PIH1D2: variants seen among roughly 807,000 people sequenced by gnomAD.
PIH1D2 encodes PIH1 domain containing 2.
In PIH1D2, 25 loss-of-function variants were observed where a neutral mutation model predicts 31.2. The ratio of observed to expected loss-of-function variants is 0.80; its 90% CI spans 0.58 to 1.12. The LOEUF is 1.12. Ranked by LOEUF, PIH1D2 falls within the 50% of genes most tolerant of loss-of-function variation. The pLI, the probability that PIH1D2 is intolerant of heterozygous loss-of-function variation, is 0.00. For synonymous variants in PIH1D2, 116 were observed against 119.9 expected, an observed-to-expected ratio of 0.97 and a Z score of 0.21; for missense variants, 310 against 356.6, an observed-to-expected ratio of 0.87 and a Z score of 1.05.
chr11:112,069,529 C>T (rs1387926186), intron 5 of PIH1D2, among the ~76,000 whole-genome samples: 3 of 152,038 alleles, frequency 2.0e-5, no homozygotes, highest in Admixed American at 2.0e-4. Context: ...TGAGCAGGAA[C>T]CAGGCTGAAG....
downstream of PIH1D2, chr11:112,067,685 A>AAAATATAT: frequency 5.6e-4 from 10 of 17,800 alleles, no homozygotes; most frequent in Non-Finnish European, 7.8e-4. Flanking sequence ...AAAAAAAAAA[A>AAAATATAT]ATATATATAT....
the PIH1D2 span, among the ~76,000 whole-genome samples, chr11:112,053,398 C>A: frequency 6.6e-6 from 1 of 151,872 alleles, no homozygotes; most frequent in African/African-American, 2.4e-5. Flanking sequence ...TTGTTCTAAC[C>A]CTTAATCTGA....
At chr11:112,073,226 A>T in intron 1 of PIH1D2, 21 bp from the exon 2 acceptor site, 1 of 1,456,292 alleles carries the variant, frequency 6.9e-7, no homozygotes, top group Non-Finnish European at 9.4e-7. Context: ...ACACGACTTC[A>T]GGAAGAAAAC....
the PIH1D2 span, among the ~76,000 whole-genome samples, chr11:112,054,300 A>G: frequency 6.6e-6 from 1 of 152,234 alleles, no homozygotes; most frequent in African/African-American, 2.4e-5. Context: ...AGCCTGAGCA[A>G]CAGAGCAAGA....
At chr11:112,071,533 A>G (rs191247468) in intron 3 of PIH1D2, 102 bp downstream of exon 3, 90 of 1,405,136 alleles carry the variant, frequency 6.4e-5, no homozygotes, top group African/African-American at 4.1e-4. Flanking sequence ...TAATTATATT[A>G]TCAACAAATA....
rs199778230 is a variant in PIH1D2, at chr11:112,072,899, A to C, written c.177+99T>G. Reference sequence around the variant, plus strand: ...CAAAACAAAACAAAACAAAAAAAAAACAAAAAAAATTAGCAATACCTAAGT... The same window carrying C: ...CAAAACAAAACAAAACAAAAAAAAACCAAAAAAAATTAGCAATACCTAAGT... On this transcript the variant is annotated intron_variant, in intron 2 of 5. Coordinates refer to ENST00000280350, the MANE Select transcript of PIH1D2 (RefSeq NM_138789.4). 816 of 1,196,044 alleles carry C rather than the reference A, an allele frequency of 6.8e-4. 4 individuals are homozygous for C. Among genetic ancestry groups the C allele is most frequent in the East Asian group, 6.8e-3 (267 of 39,182 alleles). 74.1% of individuals were successfully genotyped at this position (1,196,044 alleles called of 1,614,324 possible).
At chr11:112,070,830 G>A in intron 4 of PIH1D2, 129 bp from the exon 5 acceptor site, 3 of 1,260,440 alleles carry the variant, frequency 2.4e-6, no homozygotes, top group South Asian at 3.3e-5. Context: ...TGGGAATCAA[G>A]CCAAAAGAAT....
downstream of PIH1D2, chr11:112,060,146 TTCTG>T: frequency 1.5e-6 from 2 of 1,310,538 alleles, no homozygotes; most frequent in South Asian, 2.6e-5. Flanking sequence ...CACCTTTTGA[TTCTG>T]TCACGTAATT....
downstream of PIH1D2, chr11:112,061,306 T>A (rs1864606494): frequency 1.1e-6 from 1 of 889,324 alleles, no homozygotes; most frequent in African/African-American, 1.7e-5. Flanking sequence ...AAGTCCCTGA[T>A]ATGATATGAT....
Position 112,071,900 on chromosome 11 carries a change from C to A in PIH1D2, c.178-142G>T, listed in dbSNP as rs1865129957. ...CTGAGGTCAGGAATTTGAGACCAGCCTGGCCAACATGGTGAAACTCCGTTT... is the reference window on the plus strand; with the variant it reads ...CTGAGGTCAGGAATTTGAGACCAGCATGGCCAACATGGTGAAACTCCGTTT... On this transcript the variant is annotated intron_variant, in intron 2 of 5. Transcript: ENST00000280350. 7.5e-6 allele frequency: 6 copies of A among 796,488 alleles called. No individual in the cohort carries two copies. In the Admixed American group the frequency reaches 1.1e-4, roughly 15 times the overall value. 49.3% of individuals were successfully genotyped at this position (796,488 alleles called of 1,614,324 possible).
downstream of PIH1D2, chr11:112,064,379 A>G: frequency 3.3e-6 from 2 of 598,648 alleles, no homozygotes; most frequent in South Asian, 2.8e-5. Context: ...AAATTAAAGT[A>G]TAAATCTTCA....
chr11:112,061,317 G>A (rs1864608472), downstream of PIH1D2: 2 of 828,714 alleles, frequency 2.4e-6, no homozygotes, highest in East Asian at 2.6e-5. Context: ...ATGATATGAT[G>A]TAATATTTGC....
chr11:112,072,725 A>AG (rs1860338539), intron 2 of PIH1D2: 1 of 224,920 alleles, frequency 4.4e-6, no homozygotes, highest in African/African-American at 2.4e-5. Flanking sequence ...TTAGCCGGGC[A>AG]TGGTAGTACA....
At chr11:112,055,810 A>T in the PIH1D2 span, among the ~76,000 whole-genome samples, 2 of 126,608 alleles carry the variant, frequency 1.6e-5, no homozygotes, top group African/African-American at 5.9e-5. Flanking sequence ...TTTTTTTTTA[A>T]TATTCCTTTA....
At chr11:112,061,435 C>T (rs782619024), downstream of PIH1D2, 3 of 419,738 alleles carry the variant, frequency 7.1e-6, no homozygotes, top group African/African-American at 2.0e-5. Flanking sequence ...CGGTGTGCAG[C>T]AAATTCAAGT....
At chr11:112,058,772 A>G (rs782496089), downstream of PIH1D2, among the ~76,000 whole-genome samples, 2 of 152,148 alleles carry the variant, frequency 1.3e-5, no homozygotes, top group Middle Eastern at 3.4e-3. Flanking sequence ...GTAGTTGTAT[A>G]TATCTCAAAA....
At chr11:112,068,516 C>G (rs1555184126) in intron 5 of PIH1D2, among the ~76,000 whole-genome samples, 1 of 152,160 alleles carries the variant, frequency 6.6e-6, no homozygotes, top group East Asian at 1.9e-4. Flanking sequence ...AGTGCGGTGG[C>G]TCACACCTGT....
At chr11:112,057,614 C>G in the PIH1D2 span, among the ~76,000 whole-genome samples, 78 of 152,318 alleles carry the variant, frequency 5.1e-4, no homozygotes, top group Non-Finnish European at 1.9e-4. Context: ...CAGAGCAAGG[C>G]CCTAACTCTC....
the PIH1D2 span, among the ~76,000 whole-genome samples, chr11:112,058,170 A>G: frequency 6.6e-6 from 1 of 152,198 alleles, no homozygotes; most frequent in Non-Finnish European, 1.5e-5. Context: ...TTTATTTAAC[A>G]TGTACTGTTT....
Sources: gnomAD v4.1 joint callset for allele counts (sites outside exome capture counted in the v4.1 genomes callset) on GRCh38, gnomAD v4.1.1 for gene constraint, MANE v1.5 for transcripts, NCBI Gene and HGNC (gene_info 2026-07-23, HGNC 2026-07-21) for gene names.